The following SYBU variants were observed in gnomAD, a reference collection of about 807,000 sequenced individuals.
SYBU encodes the protein GOLSYN A protein.
A neutral mutation model predicts 35.9 loss-of-function variants in SYBU; 21 were observed. That is an observed-to-expected ratio of 0.58 (90% CI 0.41 to 0.84). The LOEUF is 0.84. Ranked by LOEUF, SYBU falls within the 40% of genes least tolerant of loss-of-function variation. The probability of loss-of-function intolerance (pLI) is 0.00; values close to 1 mark genes in which losing one functional copy is unlikely to be tolerated. For synonymous variants in SYBU, 319 were observed against 324.3 expected (o/e 0.98, Z 0.18); for missense variants, 768 against 848.2 (o/e 0.91, Z 1.17).
At chr8:109,687,617 T>C (rs1817549749) in intron 1 of SYBU, among the ~76,000 whole-genome samples, 1 of 152,326 alleles carries the variant, frequency 6.6e-6, no homozygotes, top group Admixed American at 6.5e-5. Context: ...TGTTGGTTTC[T>C]GGGTGCTTAG....
At chr8:109,599,844 C>T (rs565882028) in intron 3 of SYBU, among the ~76,000 whole-genome samples, 3 of 152,278 alleles carry the variant, frequency 2.0e-5, no homozygotes, top group South Asian at 4.1e-4. Flanking sequence ...ACTGTCATAC[C>T]ATAACCACTG....
intron 4 of SYBU, among the ~76,000 whole-genome samples, chr8:109,583,449 C>T (rs1823263912): frequency 1.3e-5 from 2 of 152,142 alleles, no homozygotes; most frequent in South Asian, 4.2e-4. Context: ...AGCAGAGTTG[C>T]CCTTCTATGA....
chr8:109,604,508 C>T (rs899795231), intron 3 of SYBU, among the ~76,000 whole-genome samples: 23 of 151,928 alleles, frequency 1.5e-4, no homozygotes, highest in African/African-American at 5.1e-4. Context: ...AATAAACATT[C>T]GTTTAAAAAA....
intron 3 of SYBU, among the ~76,000 whole-genome samples, chr8:109,611,082 C>T (rs1012551625): frequency 3.3e-5 from 5 of 152,178 alleles, no homozygotes; most frequent in South Asian, 2.1e-4. Flanking sequence ...AAAGAAGTTT[C>T]CAGGTTTATT....
chr8:109,620,024 A>C (rs941922012), intron 2 of SYBU, among the ~76,000 whole-genome samples: 1 of 152,218 alleles, frequency 6.6e-6, no homozygotes, highest in Non-Finnish European at 1.5e-5. Flanking sequence ...AGTGACCTAC[A>C]TAGATGCTTA....
intron 1 of SYBU, among the ~76,000 whole-genome samples, chr8:109,652,261 C>T (rs1440636732): frequency 6.6e-6 from 1 of 152,190 alleles, no homozygotes; most frequent in Non-Finnish European, 1.5e-5. Context: ...AATTTTGAAG[C>T]ATTGAATACA....
chr8:109,669,271 G>A (rs6988024), intron 1 of SYBU, among the ~76,000 whole-genome samples: 2,838 of 149,172 alleles, frequency 0.019, 93 homozygotes, highest in African/African-American at 0.064. Flanking sequence ...GAGCCCAGGA[G>A]GCGGAGCTTG....
intron 3 of SYBU, among the ~76,000 whole-genome samples, chr8:109,587,046 G>A (rs1369516289): frequency 6.6e-6 from 1 of 152,148 alleles, no homozygotes; most frequent in African/African-American, 2.4e-5. Flanking sequence ...TAGACAATGA[G>A]AAGAAGAAAA....
At chr8:109,609,774 T>A (rs1810963225) in intron 3 of SYBU, among the ~76,000 whole-genome samples, 1 of 152,196 alleles carries the variant, frequency 6.6e-6, no homozygotes, top group Admixed American at 6.5e-5. Context: ...TCTAAAATAA[T>A]AAATAATTAA....
intron 3 of SYBU, among the ~76,000 whole-genome samples, chr8:109,599,701 G>A (rs1825298528): frequency 6.6e-6 from 1 of 152,192 alleles, no homozygotes; most frequent in African/African-American, 2.4e-5. Flanking sequence ...GCCCTGAGCA[G>A]TTTGTCTTCC....
At chr8:109,585,241 G>A (rs542071371) in intron 4 of SYBU, among the ~76,000 whole-genome samples, 1 of 152,330 alleles carries the variant, frequency 6.6e-6, no homozygotes, top group South Asian at 2.1e-4. Flanking sequence ...CCCTCCCACT[G>A]AATGTGCATA....
At chr8:109,667,347 G>A (rs554932527) in intron 1 of SYBU, among the ~76,000 whole-genome samples, 13 of 152,024 alleles carry the variant, frequency 8.6e-5, no homozygotes, top group Middle Eastern at 3.4e-3. Flanking sequence ...CGATCTCCTC[G>A]TGATCCGCCC....
intron 3 of SYBU, among the ~76,000 whole-genome samples, chr8:109,615,675 T>C (rs1397229417): frequency 6.6e-6 from 1 of 152,204 alleles, no homozygotes; most frequent in East Asian, 1.9e-4. Context: ...AGCTAAAAAC[T>C]GCTCAGGTGA....
chr8:109,586,093 G>A lies in SYBU; in HGVS notation c.497C>T (p.Thr166Ile). Reference sequence around the variant, plus strand: ...AGAAGAAGACCGCTTGCTTCCCGCAGTCGACATATGGACCTCAGGAGCGGA... The same window carrying A: ...AGAAGAAGACCGCTTGCTTCCCGCAATCGACATATGGACCTCAGGAGCGGA... ...SISAPEVHMS[T>I]AGSKRSSSSR... Residue 166 changes from threonine to isoleucine, a missense_variant, in exon 4 of 7, where the codon ACT becomes ATT. Coordinates refer to ENST00000276646, the MANE Select transcript of SYBU (RefSeq NM_001099754.2). 6.2e-7 allele frequency: 1 copy of A among 1,612,084 alleles called. No homozygotes were observed. Among genetic ancestry groups the A allele is most frequent in the Non-Finnish European group, 8.5e-7 (1 of 1,179,354 alleles).
chr8:109,661,694 T>C (rs138513355), intron 1 of SYBU, among the ~76,000 whole-genome samples: 7 of 152,302 alleles, frequency 4.6e-5, no homozygotes, highest in African/African-American at 1.7e-4. Flanking sequence ...GATTATCAAG[T>C]AGAAACAATG....
intron 2 of SYBU, among the ~76,000 whole-genome samples, chr8:109,632,632 G>A (rs1037630780): frequency 3.4e-5 from 5 of 148,670 alleles, no homozygotes; most frequent in Non-Finnish European, 7.4e-5. Flanking sequence ...TTATATCATG[G>A]AATTTACTTC....
intron 3 of SYBU, among the ~76,000 whole-genome samples, chr8:109,599,665 CACACTGTGCCCA>C (rs1825293784): frequency 6.6e-6 from 1 of 152,232 alleles, no homozygotes; most frequent in African/African-American, 2.4e-5. Context: ...GAAACAGCAT[CACACTGTGCCCA>C]GCTGCTCCTT....
chr8:109,633,525 CAGCTGGCAGGGA>C (rs1253359700), intron 2 of SYBU, among the ~76,000 whole-genome samples: 1 of 152,166 alleles, frequency 6.6e-6, no homozygotes, highest in Non-Finnish European at 1.5e-5. Context: ...AGGAGCCTAG[CAGCTGGCAGGGA>C]AGCTTCAGAG....
rs187248669 is a variant in SYBU, at chr8:109,672,795, C to A, written c.-129+7916G>T. Among the ~76,000 whole-genome samples the A allele has an allele frequency of 2.6e-5, 4 of 152,348 alleles. No homozygotes were observed. In the East Asian group the frequency reaches 5.8e-4, roughly 22 times the overall value. The stretch of plus-strand genomic sequence containing the variant: ...AAGATCCACTGGCTTTAAATTCTCG[C>A]TGCCAGCACAGCAGTCTGAAGTCAA... On this transcript the variant is annotated intron_variant, in intron 1 of 5. Coordinates refer to the SYBU transcript ENST00000408889.
Sources: gnomAD v4.1 joint callset for allele counts (sites outside exome capture counted in the v4.1 genomes callset) on GRCh38, gnomAD v4.1.1 for gene constraint, MANE v1.5 for transcripts, NCBI Gene and HGNC (gene_info 2026-07-23, HGNC 2026-07-21) for gene names.